Variants in MTUS2 observed in about 807,000 individuals in gnomAD.
MTUS2 encodes microtubule-associated tumor suppressor candidate 2.
Under a neutral mutation model 114.1 loss-of-function variants are expected in MTUS2, and 40 were observed. The observed-to-expected ratio is 0.35, with a 90% CI of 0.27 to 0.46. The LOEUF (loss-of-function observed/expected upper bound fraction) is 0.46. MTUS2 is among the 20% of genes least tolerant of loss of function. The pLI is 1.00. For missense variants in MTUS2, 1,679 were observed against 1,705.4 expected, an observed-to-expected ratio of 0.98 and a Z score of 0.27; for synonymous variants, 688 against 672.0, an observed-to-expected ratio of 1.02 and a Z score of -0.37.
chr13:29,298,141 T>C (rs1169084828), intron 6 of MTUS2, among the ~76,000 whole-genome samples: 2 of 152,198 alleles, frequency 1.3e-5, no homozygotes, highest in East Asian at 1.9e-4. Context: ...GCTGCAAATA[T>C]TGATTTGAAG....
At chr13:28,972,596 T>G (rs1998360) in intron 2 of MTUS2, among the ~76,000 whole-genome samples, 70,033 of 152,022 alleles carry the variant, frequency 0.46, 16,595 homozygotes, top group East Asian at 0.69. Flanking sequence ...GTTTTACCCT[T>G]TGGCCCAAGG....
intron 2 of MTUS2, among the ~76,000 whole-genome samples, chr13:28,856,568 T>C (rs975252537): frequency 2.6e-5 from 4 of 152,170 alleles, no homozygotes; most frequent in Non-Finnish European, 5.9e-5. Flanking sequence ...CTGTTGTCAC[T>C]TTGCCAGCAA....
chr13:28,975,797 T>G (rs1884067653), intron 2 of MTUS2, among the ~76,000 whole-genome samples: 1 of 152,224 alleles, frequency 6.6e-6, no homozygotes, highest in African/African-American at 2.4e-5. Context: ...GAAACTCAGC[T>G]TATTTTTTGC....
In MTUS2 at chr13:28,894,483, G is replaced by C. The variant is rs147997257; in HGVS notation, c.-243+54633G>C. Among the ~76,000 whole-genome samples the C allele has an allele frequency of 3.6e-3, 545 of 152,144 alleles. 5 individuals carry two copies. The highest frequency in any genetic ancestry group is 0.013 in the African/African-American group (535 of 41,494). On this transcript the variant is annotated intron_variant, in intron 2 of 15. Transcript: ENST00000612955. ...CAAAATCTACTGGCACCTTGATCTT[G>C]GACTTCCATCCTCAAGAACTGAGAA...
Position 29,026,153 on chromosome 13 carries a change from GC to G in MTUS2, c.1459del (p.Leu487TrpfsTer27). On this transcript the variant is annotated frameshift_variant, in exon 3 of 16. Transcript: ENST00000612955. LOFTEE classifies it high-confidence loss of function. ...GAGAGAACAAGACGGAGGTGCCTGA[GC>G]CCCTGGACCCTCAAAGTGGCCGCTC... is the stretch of plus-strand genomic sequence containing the variant. ...VGENKTEVPE[P>X]LDPQSGRSEA... 6.2e-7 allele frequency: 1 copy of G among 1,614,004 alleles called. No individual in the cohort carries two copies. The highest frequency in any genetic ancestry group is 8.5e-7 in the Non-Finnish European group (1 of 1,179,900).
chr13:28,836,088 G>A (rs1593233647), intron 1 of MTUS2, among the ~76,000 whole-genome samples: 1 of 152,256 alleles, frequency 6.6e-6, no homozygotes, highest in East Asian at 1.9e-4. Flanking sequence ...AGCTGTATAT[G>A]TAATTTTCTG....
intron 8 of MTUS2, among the ~76,000 whole-genome samples, chr13:29,382,307 TGGG>T (rs1440125225): frequency 6.6e-6 from 1 of 151,936 alleles, no homozygotes; most frequent in African/African-American, 2.4e-5. Context: ...GACTCACACT[TGGG>T]GGACAGATAG....
At chr13:28,849,032 TA>T (rs1423254773) in intron 2 of MTUS2, among the ~76,000 whole-genome samples, 2 of 152,226 alleles carry the variant, frequency 1.3e-5, no homozygotes, top group Non-Finnish European at 2.9e-5. Flanking sequence ...TGTTATGATT[TA>T]ATCCATCAGA....
At chr13:28,910,044 T>C (rs901488178) in intron 2 of MTUS2, among the ~76,000 whole-genome samples, 4 of 152,224 alleles carry the variant, frequency 2.6e-5, no homozygotes, top group Admixed American at 2.0e-4. Context: ...AATCCAGTTA[T>C]ACTCTTTTAT....
chr13:28,851,425 T>G (rs1876259462), intron 2 of MTUS2, among the ~76,000 whole-genome samples: 1 of 152,172 alleles, frequency 6.6e-6, no homozygotes, highest in African/African-American at 2.4e-5. Context: ...GAGTACCTGT[T>G]TCAAAAACAA....
At chr13:29,295,257 T>C (rs7998578) in intron 6 of MTUS2, among the ~76,000 whole-genome samples, 23,796 of 152,124 alleles carry the variant, frequency 0.16, 1,923 homozygotes, top group African/African-American at 0.17. Flanking sequence ...ATATGTATCA[T>C]TTCTATGTGT....
rs533069166 is a variant in MTUS2, at chr13:29,388,057, G to A, written c.3117+28584G>A. On this transcript the variant is annotated intron_variant, in intron 8 of 15. Coordinates refer to ENST00000612955, the MANE Select transcript of MTUS2 (RefSeq NM_001033602.4). ...TTTACCGCACACCTATGGCTCTGAG[G>A]ACCCAGCATGGCCCCTACCCCCAGA... is the stretch of plus-strand genomic sequence containing the variant. 4.6e-5 allele frequency among the ~76,000 whole-genome samples: 7 copies of A among 152,188 alleles called. No homozygotes were observed. The South Asian group carries it at 1.5e-3, about 32-fold the overall frequency.
chr13:29,205,668 T>C (rs1235430110), intron 5 of MTUS2, among the ~76,000 whole-genome samples: 1 of 152,250 alleles, frequency 6.6e-6, no homozygotes, highest in Non-Finnish European at 1.5e-5. Flanking sequence ...TGTTTAGTTT[T>C]CCATTTCTGA....
chr13:28,917,412 G>A (rs1412141764), intron 2 of MTUS2, among the ~76,000 whole-genome samples: 4 of 151,678 alleles, frequency 2.6e-5, no homozygotes. Context: ...TTTACTGGGG[G>A]ACTTTATTGC....
intron 2 of MTUS2, among the ~76,000 whole-genome samples, chr13:28,867,360 TA>T (rs753559936): frequency 6.6e-6 from 1 of 152,270 alleles, no homozygotes; most frequent in East Asian, 1.9e-4. Flanking sequence ...AAAAAAATTA[TA>T]AGAAAAAATA....
At chr13:29,311,024 A>G (rs749363621) in intron 6 of MTUS2, among the ~76,000 whole-genome samples, 1 of 152,230 alleles carries the variant, frequency 6.6e-6, no homozygotes, top group Non-Finnish European at 1.5e-5. Context: ...TGATGTATGC[A>G]CACAATGGAT....
intron 5 of MTUS2, among the ~76,000 whole-genome samples, chr13:29,185,097 GGAATA>G: frequency 6.6e-6 from 1 of 152,082 alleles, no homozygotes; most frequent in Middle Eastern, 3.4e-3. Flanking sequence ...TTTTAGAAAA[GGAATA>G]GAATAGAAAA....
intron 8 of MTUS2, among the ~76,000 whole-genome samples, chr13:29,363,233 C>A (rs1252336311): frequency 6.6e-6 from 1 of 152,136 alleles, no homozygotes; most frequent in African/African-American, 2.4e-5. Flanking sequence ...TGGTCCTCAC[C>A]CTGCAGCATG....
In MTUS2 at chr13:29,024,467, C is replaced by G. The variant is rs1265071488; in HGVS notation, c.-232C>G. 2 of 538,232 alleles carry G rather than the reference C, an allele frequency of 3.7e-6. No individual in the cohort carries two copies. The highest frequency in any genetic ancestry group is 3.0e-5 in the South Asian group (1 of 33,468). 33.3% of individuals were successfully genotyped at this position (538,232 alleles called of 1,614,324 possible). ...TTTATTTCTCTCTAGGTCTCATGGA[C>G]TGATTGGCTCTCATTCAGCAGGAAC... On this transcript the variant is annotated 5_prime_UTR_variant, in exon 3 of 16. Coordinates refer to ENST00000612955, the MANE Select transcript of MTUS2 (RefSeq NM_001033602.4).
Sources: gnomAD v4.1 joint callset for allele counts (sites outside exome capture counted in the v4.1 genomes callset) on GRCh38, gnomAD v4.1.1 for gene constraint, MANE v1.5 for transcripts, NCBI Gene and HGNC (gene_info 2026-07-23, HGNC 2026-07-21) for gene names.